The following UNC5B variants were observed in gnomAD, a reference collection of about 807,000 sequenced individuals.
UNC5B encodes the protein unc-5 netrin receptor B.
UNC5B carries 56 observed loss-of-function variants against 103.7 expected under a neutral mutation model. The ratio of observed to expected loss-of-function variants is 0.54; its 90% confidence interval spans 0.44 to 0.67. The LOEUF is 0.67. Among genes scored for constraint, UNC5B ranks in the 30% least tolerant of loss-of-function variants. The probability of loss-of-function intolerance (pLI) is 0.00; values close to 1 mark genes in which losing one functional copy is unlikely to be tolerated. For synonymous variants in UNC5B, 577 were observed against 542.0 expected (o/e 1.06, Z -0.90); for missense variants, 1,194 against 1,284.5 (o/e 0.93, Z 1.08).
chr10:71,294,921 G>A (rs1009896278), intron 13 of UNC5B, among the ~76,000 whole-genome samples: 27 of 152,184 alleles, frequency 1.8e-4, no homozygotes, highest in African/African-American at 6.5e-4. Context: ...TCATCCTGAT[G>A]TAACCCTGGA....
At chr10:71,287,916 T>C (rs780491056) in intron 6 of UNC5B, 151 bp downstream of exon 6, 17 of 1,076,690 alleles carry the variant, frequency 1.6e-5, no homozygotes, top group Admixed American at 6.5e-5. Flanking sequence ...GCTGACTAGA[T>C]GCTCTGATCT....
chr10:71,242,822 G>A (rs371277138), intron 1 of UNC5B, among the ~76,000 whole-genome samples: 2 of 152,282 alleles, frequency 1.3e-5, no homozygotes, highest in East Asian at 1.9e-4. Context: ...ACGGGGCCAC[G>A]GTGTCACTCT....
intron 1 of UNC5B, among the ~76,000 whole-genome samples, chr10:71,276,941 A>G (rs1238134554): frequency 1.3e-5 from 2 of 152,186 alleles, no homozygotes; most frequent in Non-Finnish European, 2.9e-5. Flanking sequence ...TGCAACAGAG[A>G]GGCACAGAGG....
chr10:71,238,447 T>C (rs1843820337), intron 1 of UNC5B, among the ~76,000 whole-genome samples: 1 of 152,210 alleles, frequency 6.6e-6, no homozygotes, highest in Non-Finnish European at 1.5e-5. Context: ...TAGGCCCTGC[T>C]GGACGTCTGA....
chr10:71,279,705 G>A, intron 1 of UNC5B, 116 bp from the exon 2 acceptor site: 2 of 1,137,692 alleles, frequency 1.8e-6, no homozygotes, highest in African/African-American at 1.6e-5. Flanking sequence ...GGCTCTGGCT[G>A]CCCCACCTCT....
At position 71,291,752 on chromosome 10, in the gene UNC5B, C is replaced by T. The variant is rs749708999; in HGVS notation, c.1615C>T (p.Arg539Ter). Residue 539 changes from arginine (R) to a stop codon, truncating the protein, a stop_gained, in exon 10 of 17, where the codon CGA (arginine) becomes TGA (stop). Transcript: ENST00000335350. LOFTEE classifies it high-confidence loss of function. ...LGSQQLLGLPRDPGSSVSGTF... is the reference protein window; with the variant it reads ...LGSQQLLGLP ...TTCCCAGCAGCTCTTGGGCCTGCCC[C>T]GAGACCCAGGGAGCAGCGTCAGCGG... The T allele has an allele frequency of 1.2e-6, 2 of 1,610,560 alleles. No homozygotes were observed. The highest frequency in any genetic ancestry group is 1.7e-6 in the Non-Finnish European group (2 of 1,179,908).
chr10:71,270,562 G>T (rs1318665770), intron 1 of UNC5B, among the ~76,000 whole-genome samples: 1 of 152,142 alleles, frequency 6.6e-6, no homozygotes, highest in East Asian at 1.9e-4. Flanking sequence ...AAAAGGAAAG[G>T]TAGGGAGCCC....
At position 71,291,523 on chromosome 10, in the gene UNC5B, C is replaced by A. The variant is rs1845257073; in HGVS notation, c.1386C>A (p.Ser462=). The change falls in exon 10 of 17, where the codon TCC becomes TCA. Residue 462 remains serine (S), a synonymous_variant. Transcript: ENST00000335350. ...YRGPVYALQD[S]TDKIPMTNSP... is the part of the protein sequence containing the mutation. Reference sequence around the variant, plus strand: ...GACCCGTGTATGCCCTGCAGGACTCCACCGACAAAATCCCCATGACCAACT... The same window carrying A: ...GACCCGTGTATGCCCTGCAGGACTCAACCGACAAAATCCCCATGACCAACT... 1 of 1,614,196 alleles carries A rather than the reference C, an allele frequency of 6.2e-7. No individual in the cohort carries two copies. Among genetic ancestry groups the A allele is most frequent in the East Asian group, 2.2e-5 (1 of 44,880 alleles).
chr10:71,250,446 G>T lies in UNC5B; in HGVS notation c.80-29375G>T, dbSNP rs140991004. Among the ~76,000 whole-genome samples the T allele has an allele frequency of 2.5e-3, 374 of 152,290 alleles. 1 individual carries two copies. The highest frequency in any genetic ancestry group is 8.1e-3 in the African/African-American group (336 of 41,562). On this transcript the variant is annotated intron_variant, in intron 1 of 16. Coordinates refer to ENST00000335350, the MANE Select transcript of UNC5B (RefSeq NM_170744.5). The stretch of plus-strand genomic sequence containing the variant: ...CCCAGCTTAATTCCTGACTTTCCGA[G>T]GAATCTTTTCCTGATAGCTCCAACC...
chr10:71,234,491 C>A (rs1469379474), intron 1 of UNC5B, among the ~76,000 whole-genome samples: 1 of 152,210 alleles, frequency 6.6e-6, no homozygotes, highest in East Asian at 1.9e-4. Flanking sequence ...TTCTGGGGAC[C>A]AGCATAAGAA....
chr10:71,214,935 A>G (rs904768002), intron 1 of UNC5B, among the ~76,000 whole-genome samples: 1 of 152,190 alleles, frequency 6.6e-6, no homozygotes, highest in African/African-American at 2.4e-5. Context: ...AGCGAGCAGA[A>G]GCGGTGTTGG....
chr10:71,299,061 G>T, intron 16 of UNC5B, 51 bp from the exon 17 acceptor site: 1 of 1,605,660 alleles, frequency 6.2e-7, no homozygotes, highest in Non-Finnish European at 8.5e-7. Context: ...TCCAGGCTCC[G>T]GGGAGGGGCT....
At chr10:71,298,687 T>G (rs1845506521) in intron 16 of UNC5B, among the ~76,000 whole-genome samples, 1 of 152,128 alleles carries the variant, frequency 6.6e-6, no homozygotes, top group Admixed American at 6.5e-5. Context: ...TGGCTAAGGC[T>G]TTATTCCTCC....
At chr10:71,237,234 G>A (rs945982670) in intron 1 of UNC5B, among the ~76,000 whole-genome samples, 2 of 152,230 alleles carry the variant, frequency 1.3e-5, no homozygotes, top group Non-Finnish European at 2.9e-5. Flanking sequence ...TCGTGTTTAT[G>A]TGGAAAAGCT....
At chr10:71,292,390 C>A in intron 10 of UNC5B, 77 bp from the exon 11 acceptor site, 1 of 1,300,066 alleles carries the variant, frequency 7.7e-7, no homozygotes, top group Non-Finnish European at 1.1e-6. Flanking sequence ...CTCTCCCAGC[C>A]CCAAGCTGGG....
At position 71,259,727 on chromosome 10, in the gene UNC5B, T is replaced by C. The variant is rs139815149; in HGVS notation, c.80-20094T>C. On this transcript the variant is annotated intron_variant, in intron 1 of 16. Transcript: ENST00000335350. ...GTCCCATTTTATAGAGGAGGAAATA[T>C]AGACCCGTGACTTGCCCAGGCCCCA... Among the ~76,000 whole-genome samples the C allele has an allele frequency of 5.9e-5, 9 of 152,324 alleles. No homozygotes were observed. The East Asian group carries it at 1.5e-3, about 26-fold the overall frequency.
intron 1 of UNC5B, among the ~76,000 whole-genome samples, chr10:71,241,346 C>T (rs892703874): frequency 8.5e-5 from 13 of 152,276 alleles, no homozygotes; most frequent in Admixed American, 6.5e-4. Flanking sequence ...GCAAGAGCCC[C>T]GCAGAAACAT....
intron 6 of UNC5B, among the ~76,000 whole-genome samples, chr10:71,288,124 C>T (rs1281565623): frequency 2.0e-5 from 3 of 152,220 alleles, no homozygotes; most frequent in Admixed American, 6.5e-5. Context: ...ACTGTTAAGA[C>T]ACACCGTGGC....
chr10:71,248,851 T>G (rs1040063420), intron 1 of UNC5B, among the ~76,000 whole-genome samples: 12 of 30,886 alleles, frequency 3.9e-4, no homozygotes, highest in Non-Finnish European at 1.1e-3. Flanking sequence ...TCTCTCTGTC[T>G]CTCTCTCTCT....
Sources: gnomAD v4.1 joint callset for allele counts (sites outside exome capture counted in the v4.1 genomes callset) on GRCh38, gnomAD v4.1.1 for gene constraint, MANE v1.5 for transcripts, NCBI Gene and HGNC (gene_info 2026-07-23, HGNC 2026-07-21) for gene names.